Variants in GRM7 observed in about 807,000 individuals in gnomAD.
GRM7 encodes the protein metabotropic glutamate receptor 7.
A neutral mutation model predicts 84.5 loss-of-function variants in GRM7; 35 were observed. The ratio of observed to expected loss-of-function variants is 0.41; its 90% confidence interval spans 0.32 to 0.55. GRM7 has a LOEUF of 0.55. GRM7 is among the 20% of genes least tolerant of loss of function. The probability of loss-of-function intolerance (pLI) is 0.19; values close to 1 mark genes in which losing one functional copy is unlikely to be tolerated. For missense variants in GRM7, 1,003 were observed against 1,194.6 expected (o/e 0.84, Z 2.36); for synonymous variants, 487 against 455.1 (o/e 1.07, Z -0.89).
chr3:7,297,010 T>C (rs1699838252), intron 2 of GRM7, among the ~76,000 whole-genome samples: 1 of 152,090 alleles, frequency 6.6e-6, no homozygotes, highest in African/African-American at 2.4e-5. Context: ...CTCATTGATT[T>C]TTGCTTTACC....
At chr3:7,492,627 T>C (rs1353019692) in intron 7 of GRM7, among the ~76,000 whole-genome samples, 2 of 152,148 alleles carry the variant, frequency 1.3e-5, no homozygotes, top group Non-Finnish European at 2.9e-5. Context: ...CTATCTATTT[T>C]ATATTTTTTA....
At chr3:7,178,976 T>A (rs557923839) in intron 2 of GRM7, among the ~76,000 whole-genome samples, 4 of 151,940 alleles carry the variant, frequency 2.6e-5, no homozygotes, top group Non-Finnish European at 2.9e-5. Flanking sequence ...TGTGGTGGCA[T>A]GCACCTGTAA....
At position 7,630,783 on chromosome 3, in the gene GRM7, G is replaced by A. The variant is rs568222692; in HGVS notation, c.2452-49266G>A. 5.3e-5 allele frequency among the ~76,000 whole-genome samples: 8 copies of A among 152,290 alleles called. No individual in the cohort carries two copies. The South Asian group carries it at 1.7e-3, about 32-fold the overall frequency. On this transcript the variant is annotated intron_variant, in intron 8 of 9. Transcript: ENST00000357716. Reference sequence around the variant, plus strand: ...CAAATGGATTTGGGAGAAAACAGTTGACCCCCAGGAAGTAGGTACAAAATG... The same window carrying A: ...CAAATGGATTTGGGAGAAAACAGTTAACCCCCAGGAAGTAGGTACAAAATG...
chr3:6,933,637 T>A (rs1697584573), intron 1 of GRM7, among the ~76,000 whole-genome samples: 2 of 152,124 alleles, frequency 1.3e-5, no homozygotes, highest in Non-Finnish European at 2.9e-5. Flanking sequence ...AAATCAGAAC[T>A]TTTAAGTCCT....
intron 7 of GRM7, among the ~76,000 whole-genome samples, chr3:7,555,839 CT>C (rs1693728485): frequency 6.6e-6 from 1 of 152,182 alleles, no homozygotes. Context: ...GTATAGCTGT[CT>C]CACTATGCAG....
At chr3:7,228,698 G>T (rs1196547141) in intron 2 of GRM7, among the ~76,000 whole-genome samples, 2 of 152,196 alleles carry the variant, frequency 1.3e-5, no homozygotes, top group Non-Finnish European at 2.9e-5. Flanking sequence ...ATTTGGTAGA[G>T]ATTTATGAGA....
intron 9 of GRM7, among the ~76,000 whole-genome samples, chr3:7,711,109 G>A (rs1288985855): frequency 2.0e-5 from 3 of 152,110 alleles, no homozygotes; most frequent in East Asian, 1.9e-4. Context: ...TGGTATCCAC[G>A]ATAAATCTTT....
intron 1 of GRM7, among the ~76,000 whole-genome samples, chr3:6,956,873 C>T (rs915058823): frequency 1.3e-5 from 2 of 152,144 alleles, no homozygotes; most frequent in African/African-American, 4.8e-5. Context: ...CAATTTACAA[C>T]CCCATGGTAA....
At chr3:7,100,998 C>T (rs1699092736) in intron 1 of GRM7, among the ~76,000 whole-genome samples, 1 of 151,618 alleles carries the variant, frequency 6.6e-6, no homozygotes, top group South Asian at 2.1e-4. Context: ...ATCCATTCTC[C>T]AGTTGATGGA....
intron 7 of GRM7, among the ~76,000 whole-genome samples, chr3:7,552,173 C>A (rs550841363): frequency 6.6e-6 from 1 of 152,346 alleles, no homozygotes; most frequent in African/African-American, 2.4e-5. Flanking sequence ...GCAGTCAAAT[C>A]TTAAAGCTCC....
Position 7,659,888 on chromosome 3 carries a change from G to C in GRM7, c.2452-20161G>C, listed in dbSNP as rs112260942. 1.3e-3 allele frequency among the ~76,000 whole-genome samples: 201 copies of C among 152,238 alleles called. 2 individuals are homozygous for C. Among genetic ancestry groups the C allele is most frequent in the African/African-American group, 4.6e-3 (191 of 41,550 alleles). On this transcript the variant is annotated intron_variant, in intron 8 of 9. Coordinates refer to ENST00000357716, the MANE Select transcript of GRM7 (RefSeq NM_000844.4). ...TTAATAGTATAATCACTGGGCGTTTGGTACTAGGGCTAGGCAAACATTTCC... is the reference window on the plus strand; with the variant it reads ...TTAATAGTATAATCACTGGGCGTTTCGTACTAGGGCTAGGCAAACATTTCC...
At chr3:6,950,884 C>T (rs988827580) in intron 1 of GRM7, among the ~76,000 whole-genome samples, 7 of 152,200 alleles carry the variant, frequency 4.6e-5, no homozygotes, top group East Asian at 3.9e-4. Context: ...CCCAGTGTGC[C>T]GTTTGATAAG....
chr3:7,218,278 C>T (rs112423217), intron 2 of GRM7, among the ~76,000 whole-genome samples: 5,215 of 152,078 alleles, frequency 0.034, 305 homozygotes, highest in African/African-American at 0.12. Flanking sequence ...ATCTGTTTAC[C>T]ATTCTCAATA....
chr3:7,554,880 G>A (rs1236274510), intron 7 of GRM7, among the ~76,000 whole-genome samples: 1 of 152,250 alleles, frequency 6.6e-6, no homozygotes, highest in Non-Finnish European at 1.5e-5. Flanking sequence ...TGGAAATGCA[G>A]TTCAGCTGGA....
chr3:6,979,554 T>A (rs1488950908), intron 1 of GRM7, among the ~76,000 whole-genome samples: 1 of 151,970 alleles, frequency 6.6e-6, no homozygotes, highest in Non-Finnish European at 1.5e-5. Context: ...TCAAACAATA[T>A]CCAAATATAG....
At chr3:7,057,783 T>A (rs1697279380) in intron 1 of GRM7, among the ~76,000 whole-genome samples, 2 of 151,916 alleles carry the variant, frequency 1.3e-5, no homozygotes, top group South Asian at 4.1e-4. Flanking sequence ...CCTTGGGACT[T>A]GGCACCTCTT....
intron 1 of GRM7, among the ~76,000 whole-genome samples, chr3:6,957,103 C>A (rs929299637): frequency 3.9e-5 from 6 of 152,176 alleles, no homozygotes; most frequent in Non-Finnish European, 8.8e-5. Context: ...CCTTCAGTGA[C>A]CCTATGAGTG....
intron 7 of GRM7, among the ~76,000 whole-genome samples, chr3:7,556,320 T>G (rs1693755422): frequency 6.6e-6 from 1 of 152,158 alleles, no homozygotes. Context: ...ATGTGAATTT[T>G]AGGGGATATA....
intron 2 of GRM7, among the ~76,000 whole-genome samples, chr3:7,283,112 C>G (rs116357258): frequency 1.0e-3 from 154 of 152,150 alleles, no homozygotes; most frequent in Non-Finnish European, 1.9e-3. Flanking sequence ...TTTAATCTCT[C>G]TAACATTAGT....
Sources: gnomAD v4.1 joint callset for allele counts (sites outside exome capture counted in the v4.1 genomes callset) on GRCh38, gnomAD v4.1.1 for gene constraint, MANE v1.5 for transcripts, NCBI Gene and HGNC (gene_info 2026-07-23, HGNC 2026-07-21) for gene names.